TRAPPC9: variants seen among roughly 807,000 people sequenced by gnomAD.
TRAPPC9 encodes IKK2 binding protein.
TRAPPC9 carries 83 observed loss-of-function variants against 124.0 expected under a neutral mutation model. The ratio of observed to expected loss-of-function variants is 0.67; its 90% confidence interval spans 0.56 to 0.80. TRAPPC9 has a LOEUF of 0.80. Ranked by LOEUF, TRAPPC9 falls within the 30% of genes least tolerant of loss-of-function variation. The pLI, the probability that TRAPPC9 is intolerant of heterozygous loss-of-function variation, is 0.00. For synonymous variants in TRAPPC9, 638 were observed against 617.5 expected (o/e 1.03, Z -0.49); for missense variants, 1,302 against 1,508.3 (o/e 0.86, Z 2.27).
intron 20 of TRAPPC9, among the ~76,000 whole-genome samples, chr8:139,900,723 T>C (rs983586930): frequency 6.6e-6 from 1 of 152,188 alleles, no homozygotes; most frequent in Non-Finnish European, 1.5e-5. Flanking sequence ...TTCCTTGTCA[T>C]TTTCTGTAAG....
chr8:140,007,755 T>G (rs1467816568), intron 18 of TRAPPC9, among the ~76,000 whole-genome samples: 1 of 152,196 alleles, frequency 6.6e-6, no homozygotes, highest in Non-Finnish European at 1.5e-5. Context: ...ATACAAAATC[T>G]TTAAATCTGT....
chr8:140,413,979 A>G (rs928508926), intron 5 of TRAPPC9, among the ~76,000 whole-genome samples: 15 of 152,032 alleles, frequency 9.9e-5, no homozygotes, highest in Admixed American at 9.8e-4. Flanking sequence ...ATACGTGTGC[A>G]TGTGTCTTTA....
At chr8:140,098,730 G>A (rs1313473932) in intron 17 of TRAPPC9, 2 of 151,382 alleles carry the variant, frequency 1.3e-5, no homozygotes, top group Non-Finnish European at 2.9e-5. Context: ...GACGACACCA[G>A]CTAGGTCTCA....
chr8:139,858,887 G>C (rs957232116), intron 21 of TRAPPC9, among the ~76,000 whole-genome samples: 2 of 149,606 alleles, frequency 1.3e-5, no homozygotes, highest in Admixed American at 1.3e-4. Flanking sequence ...AACACGCCTC[G>C]CATAAGTCCC....
chr8:139,843,506 G>C (rs1031309363), intron 21 of TRAPPC9, among the ~76,000 whole-genome samples: 3 of 152,212 alleles, frequency 2.0e-5, no homozygotes, highest in African/African-American at 7.2e-5. Flanking sequence ...CGGTGGACTG[G>C]TGTTCTTCCA....
At chr8:140,002,174 T>C (rs1466999370) in intron 18 of TRAPPC9, among the ~76,000 whole-genome samples, 3 of 151,712 alleles carry the variant, frequency 2.0e-5, no homozygotes, top group African/African-American at 7.3e-5. Flanking sequence ...ACTCAACAAA[T>C]TTTTTGATAC....
At chr8:140,271,420 G>A (rs2064876165) in intron 15 of TRAPPC9, among the ~76,000 whole-genome samples, 2 of 152,140 alleles carry the variant, frequency 1.3e-5, no homozygotes, top group South Asian at 4.1e-4. Flanking sequence ...AAGAGGTAAA[G>A]GCAAACAAAT....
intron 9 of TRAPPC9, among the ~76,000 whole-genome samples, chr8:140,317,016 T>C (rs13259864): frequency 0.65 from 99,284 of 152,088 alleles, 32,831 homozygotes; most frequent in African/African-American, 0.78. Flanking sequence ...TATAATTGTT[T>C]GTAATAGTCT....
At chr8:139,849,283 C>T (rs1827297262) in intron 21 of TRAPPC9, among the ~76,000 whole-genome samples, 1 of 152,222 alleles carries the variant, frequency 6.6e-6, no homozygotes, top group South Asian at 2.1e-4. Context: ...GCTCTCTTGA[C>T]ACCAGGAGAG....
At chr8:140,311,868 G>GT (rs2066307170) in intron 9 of TRAPPC9, among the ~76,000 whole-genome samples, 1 of 143,304 alleles carries the variant, frequency 7.0e-6, no homozygotes, top group African/African-American at 2.5e-5. Context: ...AAAGACTGTT[G>GT]TTCACCATCC....
At chr8:140,136,838 G>A (rs958801817) in intron 17 of TRAPPC9, among the ~76,000 whole-genome samples, 3 of 152,124 alleles carry the variant, frequency 2.0e-5, no homozygotes, top group African/African-American at 4.8e-5. Context: ...CAGCCCGAGC[G>A]GACAGGGTGC....
intron 17 of TRAPPC9, among the ~76,000 whole-genome samples, chr8:140,091,439 G>A (rs1402298026): frequency 2.6e-5 from 4 of 152,182 alleles, no homozygotes; most frequent in African/African-American, 4.8e-5. Context: ...GGGCAGCCAG[G>A]GCTTTCAGAG....
intron 21 of TRAPPC9, among the ~76,000 whole-genome samples, chr8:139,755,533 G>A: frequency 7.0e-6 from 1 of 143,598 alleles, no homozygotes; most frequent in African/African-American, 2.7e-5. Flanking sequence ...AGGAGCCAGG[G>A]TTTGGGGATG....
At chr8:139,838,907 T>C (rs1826541168) in intron 21 of TRAPPC9, among the ~76,000 whole-genome samples, 3 of 151,910 alleles carry the variant, frequency 2.0e-5, no homozygotes, top group South Asian at 4.2e-4. Context: ...TTACCAGGAG[T>C]GTAGCTGAGG....
chr8:140,194,156 T>C (rs1027095097), intron 17 of TRAPPC9, among the ~76,000 whole-genome samples: 1 of 152,130 alleles, frequency 6.6e-6, no homozygotes, highest in Admixed American at 6.5e-5. Context: ...CTAAACTCCT[T>C]AGTATGGCAA....
intron 21 of TRAPPC9, among the ~76,000 whole-genome samples, chr8:139,814,904 G>C (rs1158854789): frequency 6.6e-6 from 1 of 152,206 alleles, no homozygotes; most frequent in African/African-American, 2.4e-5. Flanking sequence ...AAACGATGCT[G>C]CTAGCTCCTT....
intron 20 of TRAPPC9, among the ~76,000 whole-genome samples, chr8:139,898,582 C>T (rs1019188209): frequency 1.3e-5 from 2 of 152,058 alleles, no homozygotes; most frequent in African/African-American, 2.4e-5. Flanking sequence ...CACGCTTCCT[C>T]GGAGCAGCGG....
At chr8:140,002,218 T>C (rs976741455) in intron 18 of TRAPPC9, among the ~76,000 whole-genome samples, 1 of 151,670 alleles carries the variant, frequency 6.6e-6, no homozygotes, top group African/African-American at 2.4e-5. Context: ...CAAATTTCAT[T>C]CATGATTTAA....
chr8:139,945,394 A>T (rs1834142452), intron 19 of TRAPPC9, among the ~76,000 whole-genome samples: 1 of 152,074 alleles, frequency 6.6e-6, no homozygotes, highest in Non-Finnish European at 1.5e-5. Context: ...CATTAGCAGG[A>T]CATAATACTC....
Sources: allele counts gnomAD v4.1 joint callset (sites outside exome capture counted in the v4.1 genomes callset), GRCh38; gene constraint gnomAD v4.1.1; transcripts MANE v1.5; gene names NCBI Gene and HGNC (gene_info 2026-07-23, HGNC 2026-07-21).